LRBA: variants seen among roughly 807,000 people sequenced by gnomAD.
LRBA encodes LPS responsive beige-like anchor protein, also known as lipopolysaccharide-responsive and beige-like anchor protein.
Under a neutral mutation model 330.0 loss-of-function variants are expected in LRBA, and 176 were observed. That is an observed-to-expected ratio of 0.53 (90% CI 0.47 to 0.60). The LOEUF (loss-of-function observed/expected upper bound fraction) is 0.60, where lower values mean the gene tolerates loss of function less well. LRBA is among the 20% of genes least tolerant of loss of function. LRBA has a pLI of 0.00. For missense variants in LRBA, 3,259 were observed against 3,444.8 expected (o/e 0.95, Z 1.35); for synonymous variants, 1,230 against 1,193.0 (o/e 1.03, Z -0.64).
intron 24 of LRBA, among the ~76,000 whole-genome samples, chr4:150,850,169 C>T (rs1750436232): frequency 1.3e-5 from 2 of 151,490 alleles, no homozygotes. Flanking sequence ...TCTCAGCTCA[C>T]TGCAAGCGCC....
In LRBA at chr4:150,385,069, T is replaced by C. The variant is rs545754689; in HGVS notation, c.7194+30369A>G. On this transcript the variant is annotated intron_variant, in intron 47 of 56. Transcript: ENST00000651943. The stretch of plus-strand genomic sequence containing the variant: ...TTGAAAAATGAACAGCCAACATTTA[T>C]AGCATATTCAGAGAAAGTTAGTTTG... Among the ~76,000 whole-genome samples, 7 of 152,342 alleles carry C rather than the reference T, an allele frequency of 4.6e-5. No homozygotes were observed. In the South Asian group the frequency reaches 1.4e-3, roughly 32 times the overall value.
intron 47 of LRBA, among the ~76,000 whole-genome samples, chr4:150,384,761 T>A (rs1742807639): frequency 6.6e-6 from 1 of 152,064 alleles, no homozygotes; most frequent in Non-Finnish European, 1.5e-5. Flanking sequence ...TTCTTTTTTT[T>A]TTTTCAGAGG....
intron 37 of LRBA, among the ~76,000 whole-genome samples, chr4:150,647,244 G>A (rs1779227570): frequency 6.7e-6 from 1 of 150,232 alleles, no homozygotes; most frequent in Non-Finnish European, 1.5e-5. Context: ...TCTATTTCTG[G>A]GACTATAGCC....
In LRBA at chr4:150,489,263, A is replaced by ATATATAATATATTATATATAC. The variant is rs1561250364; in HGVS notation, c.6449-1430_6449-1429insGTATATATAATATATTATATA. The stretch of plus-strand genomic sequence containing the variant: ...ACGAATATATAATATATTATATATA[A>ATATATAATATATTATATATAC]GAATATATAATATATTATATATAAG... On this transcript the variant is annotated intron_variant, in intron 41 of 56. Coordinates refer to ENST00000651943, the MANE Select transcript of LRBA (RefSeq NM_001364905.1). Among the ~76,000 whole-genome samples, 62 of 71,620 alleles carry ATATATAATATATTATATATAC rather than the reference A, an allele frequency of 8.7e-4. 2 individuals carry two copies. The highest frequency in any genetic ancestry group is 1.4e-3 in the East Asian group (3 of 2,196). The allele number at this position is 71,620 out of a possible 152,430, so 47.0% of individuals were successfully genotyped here.
At chr4:150,963,200 T>TC (rs1738367725) in intron 2 of LRBA, among the ~76,000 whole-genome samples, 1 of 147,040 alleles carries the variant, frequency 6.8e-6, no homozygotes, top group Non-Finnish European at 1.5e-5. Context: ...TGCACGGTCC[T>TC]CGTCTCCCCT....
chr4:150,584,114 C>A, intron 40 of LRBA: 1 of 1,514,412 alleles, frequency 6.6e-7, no homozygotes, highest in South Asian at 1.3e-5. Flanking sequence ...CTATAGGGTG[C>A]TGGGGACTGC....
At chr4:150,548,537 G>T (rs76128533) in intron 40 of LRBA, among the ~76,000 whole-genome samples, 21,066 of 152,096 alleles carry the variant, frequency 0.14, 1,503 homozygotes, top group Middle Eastern at 0.17. Flanking sequence ...AGATTCTAAT[G>T]TAACACTTAA....
At chr4:150,781,477 T>C (rs1738222829) in intron 34 of LRBA, among the ~76,000 whole-genome samples, 1 of 152,344 alleles carries the variant, frequency 6.6e-6, no homozygotes, top group East Asian at 1.9e-4. Flanking sequence ...GGAGCGGCTA[T>C]AAATACAGAT....
intron 36 of LRBA, among the ~76,000 whole-genome samples, chr4:150,698,537 A>G (rs1211025161): frequency 6.6e-6 from 1 of 152,140 alleles, no homozygotes; most frequent in African/African-American, 2.4e-5. Context: ...CTACATATAA[A>G]CCTTTTGCTT....
At chr4:150,355,296 G>A (rs1737689070) in intron 47 of LRBA, among the ~76,000 whole-genome samples, 1 of 151,552 alleles carries the variant, frequency 6.6e-6, no homozygotes, top group Non-Finnish European at 1.5e-5. Context: ...ATCAACAAAG[G>A]AAATTATTAG....
At chr4:150,756,156 T>C (rs1332239496) in intron 35 of LRBA, among the ~76,000 whole-genome samples, 1 of 152,014 alleles carries the variant, frequency 6.6e-6, no homozygotes, top group Non-Finnish European at 1.5e-5. Flanking sequence ...ATATTCATCA[T>C]TCTCTCTAAG....
chr4:150,330,280 G>A (rs1733818292), intron 48 of LRBA, among the ~76,000 whole-genome samples: 1 of 152,080 alleles, frequency 6.6e-6, no homozygotes, highest in Non-Finnish European at 1.5e-5. Context: ...AGTTTTCTAA[G>A]TTCTACTCCT....
chr4:150,663,825 A>G (rs894685940), intron 37 of LRBA, among the ~76,000 whole-genome samples: 17 of 152,184 alleles, frequency 1.1e-4, no homozygotes, highest in African/African-American at 4.1e-4. Flanking sequence ...AAGCAAAGAA[A>G]TATCTACCAA....
intron 40 of LRBA, among the ~76,000 whole-genome samples, chr4:150,571,650 T>TG (rs572072753): frequency 2.9e-5 from 1 of 34,444 alleles, no homozygotes; most frequent in Non-Finnish European, 6.3e-5. Flanking sequence ...TGGTTAGTTG[T>TG]TTTTTTTTTT....
intron 34 of LRBA, among the ~76,000 whole-genome samples, chr4:150,762,139 C>T (rs1735175758): frequency 6.6e-6 from 1 of 151,800 alleles, no homozygotes; most frequent in South Asian, 2.1e-4. Flanking sequence ...AAGAAGGTAA[C>T]AAAGAAAACC....
At chr4:150,873,035 T>C (rs1753618117) in intron 17 of LRBA, among the ~76,000 whole-genome samples, 1 of 152,190 alleles carries the variant, frequency 6.6e-6, no homozygotes, top group Non-Finnish European at 1.5e-5. Context: ...CAGATACTTT[T>C]TTCCTTCTGC....
At chr4:150,945,240 G>A (rs769824021) in intron 2 of LRBA, among the ~76,000 whole-genome samples, 5 of 151,980 alleles carry the variant, frequency 3.3e-5, no homozygotes, top group Admixed American at 6.6e-5. Flanking sequence ...ATAAAATTAC[G>A]TATAGAAAAT....
intron 40 of LRBA, among the ~76,000 whole-genome samples, chr4:150,523,560 A>C (rs1763147708): frequency 6.6e-6 from 1 of 152,148 alleles, no homozygotes; most frequent in Non-Finnish European, 1.5e-5. Flanking sequence ...AAACAGACTA[A>C]GGCAGGTGAG....
chr4:150,637,775 G>C (rs559357815), intron 37 of LRBA, among the ~76,000 whole-genome samples: 2 of 152,264 alleles, frequency 1.3e-5, no homozygotes, highest in South Asian at 4.2e-4. Flanking sequence ...CTTGACTAAA[G>C]CCATATCAGA....
Sources: allele counts gnomAD v4.1 joint callset (sites outside exome capture counted in the v4.1 genomes callset), GRCh38; gene constraint gnomAD v4.1.1; transcripts MANE v1.5; gene names NCBI Gene and HGNC (gene_info 2026-07-23, HGNC 2026-07-21).